Variants in SASH1 observed in about 807,000 individuals in gnomAD.
The protein encoded by SASH1 is SAM and SH3 domain-containing protein 1.
A neutral mutation model predicts 125.2 loss-of-function variants in SASH1; 44 were observed. The ratio of observed to expected loss-of-function variants is 0.35; its 90% CI spans 0.28 to 0.45. The LOEUF (loss-of-function observed/expected upper bound fraction) is 0.45. Among genes scored for constraint, SASH1 ranks in the 20% least tolerant of loss-of-function variants. The probability of loss-of-function intolerance (pLI) is 1.00; values close to 1 mark genes in which losing one functional copy is unlikely to be tolerated. For missense variants in SASH1, 1,426 were observed against 1,614.5 expected (o/e 0.88, Z 2.00); for synonymous variants, 639 against 649.1 (o/e 0.98, Z 0.24).
chr6:148,411,166 CAAAAAAAAAAAAAAAAAAA>C (rs56342457), intron 2 of SASH1, among the ~76,000 whole-genome samples: 9 of 46,182 alleles, frequency 1.9e-4, no homozygotes, highest in Non-Finnish European at 3.0e-4. Flanking sequence ...ACTCCATCTC[CAAAAAAAAAAAAAAAAAAA>C]AAAAAAAAAA....
chr6:148,357,939 A>G (rs1782009606), intron 1 of SASH1, among the ~76,000 whole-genome samples: 1 of 151,836 alleles, frequency 6.6e-6, no homozygotes, highest in Non-Finnish European at 1.5e-5. Context: ...ATGTGCCTGT[A>G]ATCCCAGCTA....
At chr6:148,361,573 C>T (rs576480210) in intron 1 of SASH1, among the ~76,000 whole-genome samples, 1 of 151,264 alleles carries the variant, frequency 6.6e-6, no homozygotes, top group African/African-American at 2.4e-5. Flanking sequence ...GCACTCCAGC[C>T]TGGGCAACAA....
rs182511708 is a variant in SASH1 at position 148,410,360 on chromosome 6, C to G, written c.285+20098C>G. ...CCCTGACCTTGTGATCTGCCTGCCT[C>G]GGCCTCCCAACAGAGCAGTCCTGAT... On this transcript the variant is annotated intron_variant, in intron 2 of 19. Coordinates refer to ENST00000367467, the MANE Select transcript of SASH1 (RefSeq NM_015278.5). Among the ~76,000 whole-genome samples the G allele has an allele frequency of 8.0e-4, 122 of 152,042 alleles. No homozygotes were observed. The East Asian group carries it at 0.018, about 22-fold the overall frequency.
At chr6:148,499,803 A>C (rs1779488481) in intron 8 of SASH1, among the ~76,000 whole-genome samples, 1 of 152,200 alleles carries the variant, frequency 6.6e-6, no homozygotes, top group South Asian at 2.1e-4. Context: ...TCTCTCTCTC[A>C]GTATTTTGAC....
At chr6:148,367,971 G>A (rs1050458807) in intron 1 of SASH1, among the ~76,000 whole-genome samples, 5 of 152,184 alleles carry the variant, frequency 3.3e-5, no homozygotes, top group African/African-American at 7.2e-5. Context: ...TGGAGGATGT[G>A]GCAATTTGGC....
intron 1 of SASH1, among the ~76,000 whole-genome samples, chr6:148,349,407 G>A (rs1018595804): frequency 1.3e-5 from 2 of 151,626 alleles, no homozygotes; most frequent in Admixed American, 6.6e-5. Context: ...GGGATTACAG[G>A]CATCTGCCAC....
chr6:148,546,381 G>A (rs183073039), intron 19 of SASH1, among the ~76,000 whole-genome samples: 51 of 152,270 alleles, frequency 3.3e-4, no homozygotes, highest in Middle Eastern at 6.8e-3. Flanking sequence ...TTAAAGATCC[G>A]TCTAGTGCTG....
chr6:148,199,388 A>C, the SASH1 span, among the ~76,000 whole-genome samples: 6,767 of 150,452 alleles, frequency 0.045, 196 homozygotes, highest in Non-Finnish European at 0.06. Flanking sequence ...AAAAAAAAAA[A>C]AAACTGAGCT....
At chr6:148,290,823 C>T (rs1199598604) in intron 1 of SASH1, among the ~76,000 whole-genome samples, 1 of 149,034 alleles carries the variant, frequency 6.7e-6, no homozygotes, top group African/African-American at 2.5e-5. Flanking sequence ...TGTCCTATGA[C>T]CCTGCCAAAT....
At chr6:148,455,127 G>A (rs1243119573) in intron 4 of SASH1, among the ~76,000 whole-genome samples, 1 of 152,172 alleles carries the variant, frequency 6.6e-6, no homozygotes, top group Non-Finnish European at 1.5e-5. Flanking sequence ...CCTAGGCCAA[G>A]CCAGTGGTTG....
At chr6:148,472,237 G>T (rs1778152242) in intron 6 of SASH1, among the ~76,000 whole-genome samples, 1 of 152,098 alleles carries the variant, frequency 6.6e-6, no homozygotes, top group African/African-American at 2.4e-5. Context: ...CAAAATCTTA[G>T]TGTCCTGTGC....
At chr6:148,422,621 C>T (rs1468539510) in intron 2 of SASH1, among the ~76,000 whole-genome samples, 1 of 152,168 alleles carries the variant, frequency 6.6e-6, no homozygotes. Flanking sequence ...TTTTGCCATT[C>T]AATAAATGGG....
At chr6:148,329,471 T>C (rs1780926242) in intron 1 of SASH1, among the ~76,000 whole-genome samples, 1 of 152,264 alleles carries the variant, frequency 6.6e-6, no homozygotes, top group Non-Finnish European at 1.5e-5. Flanking sequence ...CCCAATGTCC[T>C]GTCACTTGAA....
In SASH1 at chr6:148,543,987, C is replaced by A. The variant is rs1351506298; in HGVS notation, c.2517C>A (p.Ser839=). 1 of 1,613,990 alleles carries A rather than the reference C, an allele frequency of 6.2e-7. No homozygotes were observed. Among genetic ancestry groups the A allele is most frequent in the Non-Finnish European group, 8.5e-7 (1 of 1,180,030 alleles). The change falls in exon 18 of 20, where the codon TCC becomes TCA. Residue 839 remains serine (S), a synonymous_variant. Coordinates refer to ENST00000367467, the MANE Select transcript of SASH1 (RefSeq NM_015278.5). ...QTVDTWPRSH[S]LDDLQVEPGA... ...TGGACACTTGGCCCCGATCCCATTC[C>A]CTGGATGACCTTCAAGTGGAGCCTG...
In SASH1 at chr6:148,544,564, C is replaced by A; in HGVS notation, c.3094C>A (p.Pro1032Thr). The change falls in exon 18 of 20, where the codon CCT becomes ACT. Residue 1032 changes from proline (P) to threonine (T), a missense_variant. Coordinates refer to ENST00000367467, the MANE Select transcript of SASH1 (RefSeq NM_015278.5). This position sits in a 1 kb window ranked among gnomAD's most constrained non-coding sequence, Gnocchi z 6.4. ...GGGCAGCCCCGCCAGCCCCACCAGC[C>A]CTAGCGACTGTCCCCCAGCACTGGC... ...KRGSPASPTSPSDCPPALAPR... is the reference protein window; with the variant it reads ...KRGSPASPTSTSDCPPALAPR... 6.2e-7 allele frequency: 1 copy of A among 1,613,352 alleles called. No homozygotes were observed. The highest frequency in any genetic ancestry group is 1.1e-5 in the South Asian group (1 of 91,072).
chr6:148,260,993 C>T, the SASH1 span, among the ~76,000 whole-genome samples: 7 of 151,794 alleles, frequency 4.6e-5, no homozygotes, highest in Admixed American at 1.3e-4. Flanking sequence ...TTAGTAGAGA[C>T]GGGGTTTCAC....
rs58997299 is a variant in SASH1 at position 148,529,493 on chromosome 6, C to T, written c.1428+1897C>T. 4.6e-5 allele frequency among the ~76,000 whole-genome samples: 7 copies of T among 152,142 alleles called. No homozygotes were observed. Among genetic ancestry groups the T allele is most frequent in the African/African-American group, 1.4e-4 (6 of 41,438 alleles). ...TCCCAGCAATGAAGCAGTCAGCATG[C>T]TAGTGAGAGCATGCTACTAATTGAA... On this transcript the variant is annotated intron_variant, in intron 12 of 19. Transcript: ENST00000367467. This position sits in a 1 kb window ranked among gnomAD's most constrained non-coding sequence, Gnocchi z 4.2.
chr6:148,234,973 G>A, the SASH1 span, among the ~76,000 whole-genome samples: 38 of 152,102 alleles, frequency 2.5e-4, no homozygotes, highest in Admixed American at 1.9e-3. Context: ...GGCTGTCTTC[G>A]GTCCCAGGTG....
chr6:148,194,330 G>A, the SASH1 span, among the ~76,000 whole-genome samples: 1 of 151,978 alleles, frequency 6.6e-6, no homozygotes. Flanking sequence ...CCATTCCAGT[G>A]GGTTTTTTGT....
Sources: allele counts gnomAD v4.1 joint callset (sites outside exome capture counted in the v4.1 genomes callset), GRCh38; gene constraint gnomAD v4.1.1; non-coding constraint Gnocchi (gnomAD v3.1); transcripts MANE v1.5; gene names NCBI Gene and HGNC (gene_info 2026-07-23, HGNC 2026-07-21).